Variants in CNTN1 observed in about 807,000 individuals in gnomAD.
The protein encoded by CNTN1 is contactin 1.
Under a neutral mutation model 126.4 loss-of-function variants are expected in CNTN1, and 38 were observed. The ratio of observed to expected loss-of-function variants is 0.30; its 90% CI spans 0.23 to 0.39. The LOEUF is 0.39. CNTN1 is among the 10% of genes least tolerant of loss of function. The pLI, the probability that CNTN1 is intolerant of heterozygous loss-of-function variation, is 1.00. For missense variants in CNTN1, 1,009 were observed against 1,248.4 expected (o/e 0.81, Z 2.89); for synonymous variants, 413 against 422.6 (o/e 0.98, Z 0.28).
At chr12:40,981,609 T>C (rs970600228) in intron 16 of CNTN1, among the ~76,000 whole-genome samples, 1 of 152,154 alleles carries the variant, frequency 6.6e-6, no homozygotes, top group Non-Finnish European at 1.5e-5. Context: ...TCTTTTCTTA[T>C]ATTAAGATTT....
chr12:40,857,546 G>A (rs1942955908), intron 1 of CNTN1, among the ~76,000 whole-genome samples: 1 of 152,068 alleles, frequency 6.6e-6, no homozygotes, highest in Non-Finnish European at 1.5e-5. Flanking sequence ...GAAAGCAGGT[G>A]GGTTCTCAGA....
chr12:40,772,362 G>A (rs547942282), intron 1 of CNTN1, among the ~76,000 whole-genome samples: 16 of 152,048 alleles, frequency 1.1e-4, no homozygotes, highest in African/African-American at 3.1e-4. Context: ...CAATGTAATA[G>A]ATGACTTCCA....
chr12:41,059,898 T>G (rs1949904098), intron 23 of CNTN1, among the ~76,000 whole-genome samples: 1 of 152,034 alleles, frequency 6.6e-6, no homozygotes, highest in African/African-American at 2.4e-5. Context: ...TGGTCATGCA[T>G]GTCTCTAATC....
chr12:41,063,687 A>C (rs917451537), intron 23 of CNTN1, among the ~76,000 whole-genome samples: 1 of 152,190 alleles, frequency 6.6e-6, no homozygotes, highest in Non-Finnish European at 1.5e-5. Flanking sequence ...AACTAGTTCA[A>C]TCAAAGAAGC....
In CNTN1 at chr12:40,892,610, A is replaced by G. The variant is rs565122196; in HGVS notation, c.-76-15747A>G. Among the ~76,000 whole-genome samples the G allele has an allele frequency of 1.3e-4, 20 of 152,140 alleles. No homozygotes were observed. In the East Asian group the frequency reaches 3.9e-3, roughly 29 times the overall value. On this transcript the variant is annotated intron_variant, in intron 1 of 23. Coordinates refer to ENST00000551295, the MANE Select transcript of CNTN1 (RefSeq NM_001843.4). ...GGAAATAGTACCTGACTTAGTTAAG[A>G]TATTGTGCTTCGACAGGAATGCTAA...
intron 3 of CNTN1, among the ~76,000 whole-genome samples, chr12:40,911,452 AC>A (rs1172969409): frequency 2.0e-5 from 3 of 152,140 alleles, no homozygotes; most frequent in African/African-American, 7.2e-5. Context: ...CCCCTGATAA[AC>A]CCATCAGGTC....
In CNTN1 at chr12:40,764,487, G is replaced by A. The variant is rs1052697164; in HGVS notation, c.-77+71895G>A. Among the ~76,000 whole-genome samples, 4 of 152,198 alleles carry A rather than the reference G, an allele frequency of 2.6e-5. No homozygotes were observed. In the South Asian group the frequency reaches 8.3e-4, roughly 32 times the overall value. ...GATGTTAGGCTCCTACTCTCCCACA[G>A]AGACTGGTAGATAAAGGTATTAATA... On this transcript the variant is annotated intron_variant, in intron 1 of 23. Transcript: ENST00000551295.
chr12:41,064,854 ATTTT>A (rs1008012378), intron 23 of CNTN1, among the ~76,000 whole-genome samples: 1 of 151,684 alleles, frequency 6.6e-6, no homozygotes, highest in Admixed American at 6.6e-5. Context: ...AAAAGGTTTA[ATTTT>A]TTTTTAATTT....
At chr12:40,877,752 C>G (rs188194641) in intron 1 of CNTN1, among the ~76,000 whole-genome samples, 1 of 152,064 alleles carries the variant, frequency 6.6e-6, no homozygotes, top group Non-Finnish European at 1.5e-5. Context: ...TCTCTCTATA[C>G]CATTTCATAT....
chr12:40,730,884 G>C (rs979641795), intron 1 of CNTN1, among the ~76,000 whole-genome samples: 1 of 152,038 alleles, frequency 6.6e-6, no homozygotes, highest in African/African-American at 2.4e-5. Context: ...TGTAATATTT[G>C]TGATGGAATG....
At chr12:41,023,592 G>C (rs1948973888) in intron 20 of CNTN1, among the ~76,000 whole-genome samples, 1 of 152,186 alleles carries the variant, frequency 6.6e-6, no homozygotes, top group South Asian at 2.1e-4. Flanking sequence ...TAACAAAAAT[G>C]AGTAAAATAG....
chr12:41,005,520 A>C (rs976858572), intron 17 of CNTN1, among the ~76,000 whole-genome samples: 2 of 152,136 alleles, frequency 1.3e-5, no homozygotes, highest in Non-Finnish European at 2.9e-5. Flanking sequence ...ATCCTGAAAT[A>C]TGGTTTCCAA....
At chr12:40,949,975 C>A (rs1946607251) in intron 14 of CNTN1, among the ~76,000 whole-genome samples, 1 of 151,904 alleles carries the variant, frequency 6.6e-6, no homozygotes, top group African/African-American at 2.4e-5. Flanking sequence ...CAGATTCGAG[C>A]CGAAAAAAAT....
intron 1 of CNTN1, among the ~76,000 whole-genome samples, chr12:40,794,439 CTTT>C (rs144492303): frequency 6.8e-6 from 1 of 147,176 alleles, no homozygotes; most frequent in African/African-American, 2.5e-5. Context: ...TGAATAACTA[CTTT>C]TTTTTTTTTG....
intron 11 of CNTN1, among the ~76,000 whole-genome samples, chr12:40,938,283 C>T (rs1946151491): frequency 6.6e-6 from 1 of 152,140 alleles, no homozygotes; most frequent in South Asian, 2.1e-4. Context: ...AATTATTGCT[C>T]TGTACTTGGA....
chr12:41,071,530 A>G lies in CNTN1; in HGVS notation c.*1495A>G, dbSNP rs1207074186. 6.6e-6 allele frequency: 1 copy of G among 152,202 alleles called. No individual in the cohort carries two copies. The highest frequency in any genetic ancestry group is 1.5e-5 in the Non-Finnish European group (1 of 68,008). 9.4% of individuals were successfully genotyped at this position (152,202 alleles called of 1,614,324 possible). ...TTACAGGAAGCAAAATAGATCTATTACTACTTTACCGACTTTACCCCCTTT... is the reference window on the plus strand; with the variant it reads ...TTACAGGAAGCAAAATAGATCTATTGCTACTTTACCGACTTTACCCCCTTT... On this transcript the variant is annotated 3_prime_UTR_variant, in exon 24 of 24. Coordinates refer to ENST00000551295, the MANE Select transcript of CNTN1 (RefSeq NM_001843.4).
At chr12:40,925,420 T>C (rs1420575812) in intron 6 of CNTN1, among the ~76,000 whole-genome samples, 2 of 151,476 alleles carry the variant, frequency 1.3e-5, no homozygotes, top group African/African-American at 2.4e-5. Flanking sequence ...AACAGGCTTT[T>C]AAACTCCATA....
intron 15 of CNTN1, among the ~76,000 whole-genome samples, chr12:40,974,235 A>G (rs1358855341): frequency 6.6e-6 from 1 of 152,156 alleles, no homozygotes; most frequent in Admixed American, 6.6e-5. Context: ...ATCAATAAAG[A>G]GTGGGAATGT....
chr12:41,062,714 T>C (rs1949961571), intron 23 of CNTN1, among the ~76,000 whole-genome samples: 1 of 152,198 alleles, frequency 6.6e-6, no homozygotes, highest in Admixed American at 6.5e-5. Context: ...ACTGCATGAA[T>C]TTTTTAAAAT....
Sources: gnomAD v4.1 joint callset for allele counts (sites outside exome capture counted in the v4.1 genomes callset) on GRCh38, gnomAD v4.1.1 for gene constraint, MANE v1.5 for transcripts, NCBI Gene and HGNC (gene_info 2026-07-23, HGNC 2026-07-21) for gene names.